The following VPS53 variants were observed in gnomAD, a reference collection of about 807,000 sequenced individuals.
VPS53 encodes the protein VPS53 subunit of GARP complex.
In VPS53, 70 loss-of-function variants were observed where a neutral mutation model predicts 107.0. That is an observed-to-expected ratio of 0.65 (90% CI 0.54 to 0.80). The LOEUF is 0.80. Among genes scored for constraint, VPS53 ranks in the 30% least tolerant of loss-of-function variants. The probability of loss-of-function intolerance (pLI) is 0.00; values close to 1 mark genes in which losing one functional copy is unlikely to be tolerated. For synonymous variants in VPS53, 409 were observed against 393.3 expected (o/e 1.04, Z -0.47); for missense variants, 917 against 1,049.4 (o/e 0.87, Z 1.74).
At chr17:603,793 G>C (rs564663637) in intron 11 of VPS53, among the ~76,000 whole-genome samples, 1 of 152,324 alleles carries the variant, frequency 6.6e-6, no homozygotes, top group African/African-American at 2.4e-5. Flanking sequence ...TTCTAAGCTT[G>C]AGTTGTCTTC....
intron 12 of VPS53, among the ~76,000 whole-genome samples, chr17:590,556 A>G (rs1225286647): frequency 6.6e-6 from 1 of 152,140 alleles, no homozygotes; most frequent in Non-Finnish European, 1.5e-5. Context: ...CGTCCCATCA[A>G]TACCTAATTT....
chr17:697,229 C>T (rs944947731), intron 4 of VPS53, among the ~76,000 whole-genome samples, 189 bp downstream of exon 4: 14 of 152,216 alleles, frequency 9.2e-5, no homozygotes, highest in African/African-American at 2.4e-4. Context: ...CCACAGTTCA[C>T]GGTCCTGGTC....
At position 656,014 on chromosome 17, in the gene VPS53, C is replaced by A. The variant is rs953526269; in HGVS notation, c.373-61G>T. ...CGGTCAAGAAAGATGTAAAACACTT[C>A]TGCAAGTAGCTCTGTAAGAAACGAA... On this transcript the variant is annotated intron_variant, in intron 5 of 21. Coordinates refer to ENST00000437048, the MANE Select transcript of VPS53 (RefSeq NM_001128159.3). The A allele has an allele frequency of 1.8e-5, 25 of 1,359,952 alleles. 1 individual carries two copies. The highest frequency in any genetic ancestry group is 2.6e-5 in the Non-Finnish European group (25 of 965,924). 84.2% of individuals were successfully genotyped at this position (1,359,952 alleles called of 1,614,324 possible).
intron 17 of VPS53, among the ~76,000 whole-genome samples, chr17:543,168 G>C (rs929761843): frequency 1.8e-4 from 28 of 152,108 alleles, no homozygotes; most frequent in African/African-American, 6.8e-4. Context: ...AAATGAAAAT[G>C]AGAACAGACT....
chr17:546,679 C>A (rs7209168), intron 17 of VPS53, among the ~76,000 whole-genome samples: 1 of 151,856 alleles, frequency 6.6e-6, no homozygotes, highest in Non-Finnish European at 1.5e-5. Context: ...TTCACACCCA[C>A]GAAAATGGCT....
intron 12 of VPS53, among the ~76,000 whole-genome samples, chr17:596,660 G>A (rs1354478235): frequency 2.6e-5 from 4 of 152,160 alleles, no homozygotes; most frequent in African/African-American, 7.2e-5. Context: ...TTTTCCTGCA[G>A]GGCTGCCTCC....
At chr17:552,009 G>A in intron 16 of VPS53, 59 bp from the exon 17 acceptor site, 1 of 1,447,374 alleles carries the variant, frequency 6.9e-7, no homozygotes, top group Non-Finnish European at 9.4e-7. Flanking sequence ...CTGAATGACT[G>A]ACACTCAGGC....
intron 4 of VPS53, among the ~76,000 whole-genome samples, chr17:693,184 C>T (rs1351589451): frequency 1.3e-5 from 2 of 152,098 alleles, no homozygotes; most frequent in South Asian, 2.1e-4. Flanking sequence ...CTGGGTATAG[C>T]CTAGCAGCCA....
chr17:552,064 G>T, intron 16 of VPS53, 114 bp from the exon 17 acceptor site: 2 of 992,692 alleles, frequency 2.0e-6, no homozygotes, highest in Non-Finnish European at 2.9e-6. Context: ...CAAAGTTTGA[G>T]CTTTAATTAA....
intron 13 of VPS53, among the ~76,000 whole-genome samples, chr17:584,092 C>T (rs952488296): frequency 1.3e-5 from 2 of 152,300 alleles, no homozygotes; most frequent in South Asian, 2.1e-4. Context: ...TCCCTCAGAA[C>T]CTCAGTGTGT....
intron 13 of VPS53, 32 bp downstream of exon 13, chr17:586,238 C>T (rs772870432): frequency 6.2e-7 from 1 of 1,601,866 alleles, no homozygotes; most frequent in Non-Finnish European, 8.6e-7. Flanking sequence ...GCGAGAAATG[C>T]AGGCAGAAAA....
Position 648,482 on chromosome 17 carries a change from C to T in VPS53, c.608+4809G>A, listed in dbSNP as rs183290695. Among the ~76,000 whole-genome samples the T allele has an allele frequency of 4.7e-3, 721 of 152,244 alleles. 3 individuals are homozygous for T. Among genetic ancestry groups the T allele is most frequent in the African/African-American group, 0.017 (686 of 41,544 alleles). ...AGGAGAATTGCTTAAACCCAGGAGG[C>T]GGCGATTGCAGTGAGCTGAGATTGT... is the stretch of plus-strand genomic sequence containing the variant. On this transcript the variant is annotated intron_variant, in intron 7 of 21. Coordinates refer to ENST00000437048, the MANE Select transcript of VPS53 (RefSeq NM_001128159.3).
intron 1 of VPS53, chr17:714,408 C>T: frequency 1.7e-6 from 1 of 576,052 alleles, no homozygotes; most frequent in East Asian, 3.1e-5. Context: ...GAACCCCCAG[C>T]CCTCGCCAAA....
In VPS53 at chr17:510,365, C is replaced by CTGACCCCTTACTAGTCACATA; in HGVS notation, c.*8762_*8763insTATGTGACTAGTAAGGGGTCA. ...TTACTAGTCACATATCGAATCCTGGCTCGCCCCTCACTAGTCACATATCAA... is the reference window on the plus strand; with the variant it reads ...TTACTAGTCACATATCGAATCCTGGCTGACCCCTTACTAGTCACATATCGCCCCTCACTAGTCACATATCAA... On this transcript the variant is annotated 3_prime_UTR_variant, in exon 22 of 22. Coordinates refer to ENST00000437048, the MANE Select transcript of VPS53 (RefSeq NM_001128159.3). The CTGACCCCTTACTAGTCACATA allele has an allele frequency of 4.4e-6, 1 of 228,964 alleles. No individual in the cohort carries two copies. Among genetic ancestry groups the CTGACCCCTTACTAGTCACATA allele is most frequent in the African/African-American group, 2.3e-5 (1 of 42,738 alleles). The allele number at this position is 228,964 out of a possible 1,614,324, so 14.2% of individuals were successfully genotyped here.
At chr17:533,268 C>G (rs1441126385) in intron 18 of VPS53, among the ~76,000 whole-genome samples, 1 of 152,192 alleles carries the variant, frequency 6.6e-6, no homozygotes, top group Admixed American at 6.5e-5. Flanking sequence ...GGCACCGCAC[C>G]TGGCTACTTT....
At position 598,066 on chromosome 17, in the gene VPS53, T is replaced by G. The variant is rs975272760; in HGVS notation, c.1218+3729A>C. 3.6e-4 allele frequency among the ~76,000 whole-genome samples: 55 copies of G among 151,934 alleles called. 1 individual carries two copies. Among genetic ancestry groups the G allele is most frequent in the East Asian group, 2.9e-3 (15 of 5,116 alleles). On this transcript the variant is annotated intron_variant, in intron 12 of 21. Transcript: ENST00000437048. ...GCTGCCATCTCGGCTCACTGCAACC[T>G]CCCTGCCTGATTCTCCTGACTCAGC...
intron 13 of VPS53, among the ~76,000 whole-genome samples, chr17:584,569 C>T (rs1489694307): frequency 6.6e-6 from 1 of 152,260 alleles, no homozygotes; most frequent in South Asian, 2.1e-4. Context: ...TCTCTGTCAC[C>T]AAGCTGGGTG....
At chr17:618,249 GCA>G in intron 11 of VPS53, among the ~76,000 whole-genome samples, 1 of 75,902 alleles carries the variant, frequency 1.3e-5, no homozygotes, top group African/African-American at 4.3e-5. Flanking sequence ...CTACAGGCGT[GCA>G]CCACCACGCC....
intron 4 of VPS53, among the ~76,000 whole-genome samples, chr17:667,626 A>C (rs1376101451): frequency 3.2e-5 from 3 of 93,866 alleles, no homozygotes; most frequent in South Asian, 1.0e-3. Flanking sequence ...GGTTAATTAC[A>C]GAAGAGGACT....
Sources: gnomAD v4.1 joint callset for allele counts (sites outside exome capture counted in the v4.1 genomes callset) on GRCh38, gnomAD v4.1.1 for gene constraint, MANE v1.5 for transcripts, NCBI Gene and HGNC (gene_info 2026-07-23, HGNC 2026-07-21) for gene names.